Variants in MAST4 observed in about 807,000 individuals in gnomAD.
MAST4 encodes microtubule-associated serine/threonine-protein kinase 4.
MAST4 carries 89 observed loss-of-function variants against 162.7 expected under a neutral mutation model. The ratio of observed to expected loss-of-function variants is 0.55; its 90% CI spans 0.46 to 0.65. MAST4 has a LOEUF of 0.65. Among genes scored for constraint, MAST4 ranks in the 30% least tolerant of loss-of-function variants. The pLI, the probability that MAST4 is intolerant of heterozygous loss-of-function variation, is 0.00. For missense variants in MAST4, 3,153 were observed against 3,374.0 expected (o/e 0.93, Z 1.62); for synonymous variants, 1,479 against 1,361.1 (o/e 1.09, Z -1.91).
intron 1 of MAST4, among the ~76,000 whole-genome samples, chr5:66,629,723 G>A (rs1744675661): frequency 6.6e-6 from 1 of 152,118 alleles, no homozygotes; most frequent in Non-Finnish European, 1.5e-5. Context: ...GAAAGAATGG[G>A]AACTTGTGGA....
chr5:66,655,584 T>C (rs970049104), intron 1 of MAST4, among the ~76,000 whole-genome samples: 11 of 152,164 alleles, frequency 7.2e-5, no homozygotes, highest in Non-Finnish European at 1.2e-4. Flanking sequence ...TCCAGCCTGA[T>C]TTGCCAGCAA....
intron 3 of MAST4, among the ~76,000 whole-genome samples, chr5:66,895,733 TTAAAG>T (rs1198571322): frequency 1.3e-5 from 2 of 152,222 alleles, no homozygotes; most frequent in Non-Finnish European, 2.9e-5. Context: ...AAATATTACC[TTAAAG>T]TAAGCTTAGA....
At chr5:66,838,080 C>T (rs1580597419) in intron 3 of MAST4, among the ~76,000 whole-genome samples, 2 of 151,656 alleles carry the variant, frequency 1.3e-5, no homozygotes, top group East Asian at 3.9e-4. Flanking sequence ...ACCATTACCT[C>T]TAAGGGACCC....
intron 4 of MAST4, among the ~76,000 whole-genome samples, chr5:67,016,180 T>G (rs1427807758): frequency 6.6e-6 from 1 of 152,176 alleles, no homozygotes; most frequent in Non-Finnish European, 1.5e-5. Flanking sequence ...GGAGACAGTT[T>G]GATATAGTCT....
chr5:66,879,626 A>C (rs27925), intron 3 of MAST4, among the ~76,000 whole-genome samples: 42,493 of 152,042 alleles, frequency 0.28, 6,158 homozygotes, highest in East Asian at 0.53. Context: ...GATCCTCCCA[A>C]GTCAGCCTTC....
chr5:67,049,411 A>G (rs1757892085), intron 4 of MAST4, among the ~76,000 whole-genome samples: 1 of 152,184 alleles, frequency 6.6e-6, no homozygotes, highest in Admixed American at 6.5e-5. Context: ...TTTATGCAGC[A>G]TTACCACATT....
chr5:67,106,182 C>G lies in MAST4; in HGVS notation c.1356+1607C>G, dbSNP rs1323146145. Reference sequence around the variant, plus strand: ...TCTTTAGTCTACTCCTCCTCCCTCTCTCCTAGGGATCTTGTCAGCTGTCTT... The same window carrying G: ...TCTTTAGTCTACTCCTCCTCCCTCTGTCCTAGGGATCTTGTCAGCTGTCTT... On this transcript the variant is annotated intron_variant, in intron 10 of 28. Transcript: ENST00000403625. Among the ~76,000 whole-genome samples the G allele has an allele frequency of 3.9e-5, 6 of 152,154 alleles. No individual in the cohort carries two copies. In the South Asian group the frequency reaches 1.2e-3, roughly 32 times the overall value.
At chr5:67,045,774 A>G (rs1358015484) in intron 4 of MAST4, among the ~76,000 whole-genome samples, 4 of 152,260 alleles carry the variant, frequency 2.6e-5, no homozygotes, top group Non-Finnish European at 5.9e-5. Context: ...AAGAAGAGGT[A>G]GTTCCTAAAT....
intron 1 of MAST4, among the ~76,000 whole-genome samples, chr5:66,654,149 T>C (rs1746399954): frequency 6.6e-6 from 1 of 152,202 alleles, no homozygotes; most frequent in Non-Finnish European, 1.5e-5. Context: ...TGTGCTGCGA[T>C]AAAGAATAGG....
At chr5:67,059,976 C>G (rs989880662) in intron 5 of MAST4, among the ~76,000 whole-genome samples, 29 of 152,116 alleles carry the variant, frequency 1.9e-4, no homozygotes, top group Non-Finnish European at 2.5e-4. Flanking sequence ...TCATGCATAT[C>G]CCTTCATTAT....
At chr5:66,829,436 T>C (rs1227470530) in intron 3 of MAST4, among the ~76,000 whole-genome samples, 1 of 152,182 alleles carries the variant, frequency 6.6e-6, no homozygotes. Context: ...CCTTGCTTTT[T>C]TGTACCCAAG....
At chr5:67,139,956 G>A (rs1770155865) in intron 19 of MAST4, among the ~76,000 whole-genome samples, 6 of 152,230 alleles carry the variant, frequency 3.9e-5, no homozygotes, top group Admixed American at 3.9e-4. Context: ...GGACCCATTT[G>A]TCATTGTCTG....
chr5:67,004,928 T>C (rs1248369657), intron 4 of MAST4: 11 of 707,852 alleles, frequency 1.6e-5, no homozygotes, highest in East Asian at 2.6e-5. Flanking sequence ...CTTTCTTCCT[T>C]TTTTTTACCT....
chr5:66,744,086 T>C (rs1313904816), intron 1 of MAST4, among the ~76,000 whole-genome samples: 1 of 152,176 alleles, frequency 6.6e-6, no homozygotes, highest in African/African-American at 2.4e-5. Context: ...CCCTTCATGT[T>C]TTCTGGTTAT....
rs1477464536 is a variant in MAST4, at chr5:67,130,381, A to G, written c.1917A>G (p.Thr639=). Reference sequence around the variant, plus strand: ...TCAGCATGTATTGCTCCTTTGAAACAAGGCGCCACTTGTGCATGGTCATGG... The same window carrying G: ...TCAGCATGTATTGCTCCTTTGAAACGAGGCGCCACTTGTGCATGGTCATGG... ...FVVSMYCSFE[T]RRHLCMVMEY... Residue 639 remains threonine, a synonymous_variant, in exon 15 of 29, where the codon ACA becomes ACG. Transcript: ENST00000403625. 2.5e-6 allele frequency: 4 copies of G among 1,613,836 alleles called. No individual in the cohort carries two copies. Among genetic ancestry groups the G allele is most frequent in the Non-Finnish European group, 2.5e-6 (3 of 1,179,886 alleles).
chr5:66,873,426 AC>A (rs1340007367), intron 3 of MAST4, among the ~76,000 whole-genome samples: 2 of 152,230 alleles, frequency 1.3e-5, no homozygotes, highest in Non-Finnish European at 2.9e-5. Context: ...AAGAATTCTT[AC>A]AAATTACAGG....
At position 67,131,898 on chromosome 5, in the gene MAST4, C is replaced by T; in HGVS notation, c.2040C>T (p.Ala680=). ...ARMYFAETVL[A]LEYLHNYGIV... ...TGTACTTTGCTGAGACGGTCTTGGC[C>T]TTGGAATATTTACATAATTATGGAA... is the stretch of plus-strand genomic sequence containing the variant. The change falls in exon 16 of 29, where the codon GCC becomes GCT. Residue 680 remains alanine, a synonymous_variant. Coordinates refer to ENST00000403625, the MANE Select transcript of MAST4 (RefSeq NM_001164664.2). 6.2e-7 allele frequency: 1 copy of T among 1,613,244 alleles called. No individual in the cohort carries two copies. The highest frequency in any genetic ancestry group is 8.5e-7 in the Non-Finnish European group (1 of 1,179,382).
intron 9 of MAST4, among the ~76,000 whole-genome samples, chr5:67,103,852 G>C (rs1765300144): frequency 6.6e-6 from 1 of 152,188 alleles, no homozygotes; most frequent in African/African-American, 2.4e-5. Context: ...AAGAGCCCAA[G>C]ATCTTAAATG....
intron 4 of MAST4, among the ~76,000 whole-genome samples, chr5:66,974,034 C>A (rs79745462): frequency 0.011 from 1,672 of 152,212 alleles, 28 homozygotes; most frequent in African/African-American, 0.038. Context: ...GCTAAAGGAA[C>A]ACTGAAATGA....
Sources: allele counts gnomAD v4.1 joint callset (sites outside exome capture counted in the v4.1 genomes callset), GRCh38; gene constraint gnomAD v4.1.1; transcripts MANE v1.5; gene names NCBI Gene and HGNC (gene_info 2026-07-23, HGNC 2026-07-21).